The following PGAP3 variants were observed in gnomAD, a reference collection of about 807,000 sequenced individuals.
The protein encoded by PGAP3 is post-GPI attachment to proteins phospholipase 3, also known as GPI-specific phospholipase A2-like PGAP3.
A neutral mutation model predicts 40.3 loss-of-function variants in PGAP3; 31 were observed. The observed-to-expected ratio is 0.77, with a 90% CI of 0.58 to 1.04. The LOEUF (loss-of-function observed/expected upper bound fraction) is 1.04, where lower values mean the gene tolerates loss of function less well. Ranked by LOEUF, PGAP3 falls within the 50% of genes least tolerant of loss-of-function variation. The pLI is 0.00. For synonymous variants in PGAP3, 191 were observed against 184.5 expected (o/e 1.04, Z -0.29); for missense variants, 413 against 423.0 (o/e 0.98, Z 0.21).
Position 39,687,974 on chromosome 17 carries a change from G to T in PGAP3, c.41C>A (p.Ala14Glu). 6.8e-7 allele frequency: 1 copy of T among 1,460,896 alleles called. No homozygotes were observed. The highest frequency in any genetic ancestry group is 1.3e-5 in the South Asian group (1 of 76,028). 90.5% of individuals were successfully genotyped at this position (1,460,896 alleles called of 1,614,324 possible). ...CTGGGAGCCGCTCGCCAGCGCCGCTGCCCCAGCTAGCAGGACCAACCGCGC... is the reference window on the plus strand; with the variant it reads ...CTGGGAGCCGCTCGCCAGCGCCGCTTCCCCAGCTAGCAGGACCAACCGCGC... ...LAARLVLLAG[A>E]AALASGSQGD... Residue 14 changes from alanine (A) to glutamate (E), a missense_variant, in exon 1 of 8, where the codon GCA (alanine) becomes GAA (glutamate). Ala to Glu is a moderately radical substitution (Grantham distance 107, BLOSUM62 -1). Transcript: ENST00000300658.
chr17:39,685,587 C>A (rs188869043), intron 2 of PGAP3, among the ~76,000 whole-genome samples: 1 of 152,150 alleles, frequency 6.6e-6, no homozygotes, highest in East Asian at 1.9e-4. Context: ...TGAATCCAGA[C>A]CCCTACTGGA....
chr17:39,674,711 C>T (rs1388762468), intron 3 of PGAP3, 32 bp from the exon 4 acceptor site: 2 of 1,537,330 alleles, frequency 1.3e-6, no homozygotes, highest in East Asian at 2.4e-5. Context: ...AGCATGCTGC[C>T]CCCCACCCTG....
At chr17:39,682,075 A>G (rs2057447666) in intron 3 of PGAP3, among the ~76,000 whole-genome samples, 1 of 151,008 alleles carries the variant, frequency 6.6e-6, no homozygotes, top group Admixed American at 6.6e-5. Context: ...ACACACAAAA[A>G]ATTAGCCAGG....
chr17:39,678,703 C>T (rs1024839360), intron 3 of PGAP3, among the ~76,000 whole-genome samples: 2 of 152,160 alleles, frequency 1.3e-5, no homozygotes, highest in African/African-American at 2.4e-5. Flanking sequence ...AGTCCACTGC[C>T]GCACCCTCCA....
At chr17:39,686,144 T>G (rs2057511484) in intron 1 of PGAP3, 125 bp from the exon 2 acceptor site, 1 of 752,070 alleles carries the variant, frequency 1.3e-6, no homozygotes, top group Non-Finnish European at 2.2e-6. Flanking sequence ...AGGAGAAATC[T>G]CAAAATTCTA....
In PGAP3 at chr17:39,686,022, G is replaced by A. The variant is rs2057507831; in HGVS notation, c.182-3C>T. 1 of 1,611,380 alleles carries A rather than the reference G, an allele frequency of 6.2e-7. No homozygotes were observed. Among genetic ancestry groups the A allele is most frequent in the East Asian group, 2.2e-5 (1 of 44,754 alleles). On this transcript the variant is annotated splice_region_variant and splice_polypyrimidine_tract_variant and intron_variant, in intron 1 of 7. Coordinates refer to ENST00000300658, the MANE Select transcript of PGAP3 (RefSeq NM_033419.5). ...ACAGTCGTCCCGACAGGTCCAGCCT[G>A]AAACAGACAAATGTGGCCTGGTGAA...
At chr17:39,676,441 G>A (rs749096731) in intron 3 of PGAP3, among the ~76,000 whole-genome samples, 1 of 152,096 alleles carries the variant, frequency 6.6e-6, no homozygotes, top group African/African-American at 2.4e-5. Context: ...GTGTGTGTGC[G>A]GGCAAACATA....
intron 6 of PGAP3, 38 bp from the exon 7 acceptor site, chr17:39,673,293 G>T (rs376437135): frequency 1.3e-6 from 2 of 1,553,986 alleles, no homozygotes; most frequent in Non-Finnish European, 1.7e-6. Flanking sequence ...TCATTCCTTC[G>T]GCTCCTTCTC....
At chr17:39,674,739 C>A in intron 3 of PGAP3, 60 bp from the exon 4 acceptor site, 1 of 1,447,686 alleles carries the variant, frequency 6.9e-7, no homozygotes, top group Non-Finnish European at 9.5e-7. Flanking sequence ...GGCAGGGACC[C>A]CCATTTGCTC....
chr17:39,681,128 A>C (rs2057435068), intron 3 of PGAP3, among the ~76,000 whole-genome samples: 1 of 152,130 alleles, frequency 6.6e-6, no homozygotes, highest in Admixed American at 6.6e-5. Context: ...AGCCTTCCAA[A>C]GTGCTGGAAC....
chr17:39,679,894 G>C (rs2057418606), intron 3 of PGAP3, among the ~76,000 whole-genome samples: 1 of 152,166 alleles, frequency 6.6e-6, no homozygotes, highest in African/African-American at 2.4e-5. Context: ...CCCCACACAT[G>C]TATGTGTCTA....
chr17:39,674,499 C>T (rs1010657491), intron 4 of PGAP3, 118 bp downstream of exon 4: 12 of 1,143,578 alleles, frequency 1.0e-5, no homozygotes, highest in African/African-American at 3.1e-5. Flanking sequence ...ATGCCCACCC[C>T]ATACTCCTCC....
intron 1 of PGAP3, 67 bp downstream of exon 1, chr17:39,687,767 C>A (rs929015004): frequency 2.5e-6 from 3 of 1,199,880 alleles, no homozygotes; most frequent in Non-Finnish European, 1.1e-6. Context: ...ATTGCAGAGG[C>A]GTATTGGGGG....
intron 3 of PGAP3, among the ~76,000 whole-genome samples, chr17:39,681,921 A>T (rs1037039915): frequency 6.6e-6 from 1 of 150,896 alleles, no homozygotes; most frequent in East Asian, 1.9e-4. Context: ...TAACCCTTAT[A>T]AAAAAAAACC....
At chr17:39,679,543 C>T (rs1043088390) in intron 3 of PGAP3, among the ~76,000 whole-genome samples, 9 of 152,146 alleles carry the variant, frequency 5.9e-5, no homozygotes, top group African/African-American at 2.2e-4. Flanking sequence ...ACGCTGTGGG[C>T]CCAGACAAGC....
chr17:39,678,723 G>T (rs763026740), intron 3 of PGAP3, among the ~76,000 whole-genome samples: 15 of 152,118 alleles, frequency 9.9e-5, no homozygotes, highest in Non-Finnish European at 2.2e-4. Flanking sequence ...ATACAGCTCA[G>T]GATCCCTCCC....
At chr17:39,683,687 C>T (rs2057470163) in intron 3 of PGAP3, among the ~76,000 whole-genome samples, 1 of 152,208 alleles carries the variant, frequency 6.6e-6, no homozygotes, top group Admixed American at 6.5e-5. Flanking sequence ...CCGTCACGGT[C>T]CATATCTGCA....
Position 39,672,527 on chromosome 17 carries a change from G to A in PGAP3, c.*276C>T. On this transcript the variant is annotated 3_prime_UTR_variant, in exon 8 of 8. Coordinates refer to ENST00000300658, the MANE Select transcript of PGAP3 (RefSeq NM_033419.5). Reference sequence around the variant, plus strand: ...AACAGGCAGCTGTCCTCCCGGTAGAGCTAAGAGCACACTCAGTTCCACCCC... The same window carrying A: ...AACAGGCAGCTGTCCTCCCGGTAGAACTAAGAGCACACTCAGTTCCACCCC... The A allele has an allele frequency of 1.9e-6, 1 of 529,240 alleles. No homozygotes were observed. The highest frequency in any genetic ancestry group is 3.2e-5 in the East Asian group (1 of 30,774). 32.8% of individuals were successfully genotyped at this position (529,240 alleles called of 1,614,324 possible). A position where few individuals can be genotyped will look rare whatever the true frequency, so the allele number is the denominator to read the frequency against.
chr17:39,671,137 A>G lies in PGAP3; in HGVS notation c.*1666T>C, dbSNP rs2057299920. 6.6e-6 allele frequency: 1 copy of G among 152,310 alleles called. No individual in the cohort carries two copies. The highest frequency in any genetic ancestry group is 2.1e-4 in the South Asian group (1 of 4,836). 9.4% of individuals were successfully genotyped at this position (152,310 alleles called of 1,614,324 possible). ...CAAGGGCAGGTGAGGCTTGGAATTGATTTATTAAGCACATCCCTTGCCACC... is the reference window on the plus strand; with the variant it reads ...CAAGGGCAGGTGAGGCTTGGAATTGGTTTATTAAGCACATCCCTTGCCACC... On this transcript the variant is annotated 3_prime_UTR_variant, in exon 8 of 8. Transcript: ENST00000300658.
Sources: allele counts gnomAD v4.1 joint callset (sites outside exome capture counted in the v4.1 genomes callset), GRCh38; gene constraint gnomAD v4.1.1; transcripts MANE v1.5; gene names NCBI Gene and HGNC (gene_info 2026-07-23, HGNC 2026-07-21).